ST6GALNAC1: variants seen among roughly 807,000 people sequenced by gnomAD.
ST6GALNAC1 encodes ST6 N-acetylgalactosaminide alpha-2,6-sialyltransferase 1.
ST6GALNAC1 carries 45 observed loss-of-function variants against 56.8 expected under a neutral mutation model. The ratio of observed to expected loss-of-function variants is 0.79; its 90% CI spans 0.62 to 1.02. ST6GALNAC1 has a LOEUF of 1.02. ST6GALNAC1 is among the 50% of genes least tolerant of loss of function. ST6GALNAC1 has a pLI of 0.00. For synonymous variants in ST6GALNAC1, 295 were observed against 297.8 expected (o/e 0.99, Z 0.10); for missense variants, 743 against 754.8 (o/e 0.98, Z 0.18).
intron 1 of ST6GALNAC1, among the ~76,000 whole-genome samples, chr17:76,636,526 CAG>C (rs1567960605): frequency 6.6e-6 from 1 of 152,152 alleles, no homozygotes; most frequent in Non-Finnish European, 1.5e-5. Flanking sequence ...GGACCACAGA[CAG>C]TGTCAGAAAA....
chr17:76,631,530 G>T (rs8067448), intron 1 of ST6GALNAC1, among the ~76,000 whole-genome samples: 2 of 151,950 alleles, frequency 1.3e-5, no homozygotes, highest in Non-Finnish European at 2.9e-5. Context: ...GAGCCTCTGG[G>T]GGGGCTTGGA....
intron 1 of ST6GALNAC1, among the ~76,000 whole-genome samples, chr17:76,638,937 A>T (rs1181411042): frequency 6.6e-6 from 1 of 152,154 alleles, no homozygotes. Context: ...TTTGTTGCCA[A>T]GTCCAGCTGA....
intron 1 of ST6GALNAC1, among the ~76,000 whole-genome samples, chr17:76,633,108 C>T (rs978662531): frequency 1.3e-5 from 2 of 152,158 alleles, no homozygotes; most frequent in African/African-American, 2.4e-5. Flanking sequence ...ATTCCGGAGG[C>T]TGAGGCACGA....
rs2075782567 is a variant in ST6GALNAC1 at position 76,625,430 on chromosome 17, T to C, written c.1703A>G (p.Asp568Gly). The C allele has an allele frequency of 1.2e-6, 2 of 1,614,170 alleles. No homozygotes were observed. The highest frequency in any genetic ancestry group is 1.7e-6 in the Non-Finnish European group (2 of 1,180,024). The change falls in exon 9 of 9, where the codon GAC (aspartate) becomes GGC (glycine). Residue 568 changes from aspartate to glycine, a missense_variant. Transcript: ENST00000156626. ...WKRLIFYINH[D>G]FKLEREVWKR... ...CCAGACTTCTCTCTCCAGCTTGAAG[T>C]CATGGTTTATGTAAAAGATCAGCCG...
intron 5 of ST6GALNAC1, 46 bp downstream of exon 5, chr17:76,626,605 C>T: frequency 6.2e-7 from 1 of 1,612,810 alleles, no homozygotes. Context: ...CCTGTGCTCC[C>T]TCATCCAGAG....
intron 1 of ST6GALNAC1, among the ~76,000 whole-genome samples, chr17:76,640,855 A>G (rs1378726433): frequency 1.3e-5 from 2 of 152,242 alleles, no homozygotes; most frequent in Non-Finnish European, 2.9e-5. Context: ...ATCAGGCTGA[A>G]GAAGATATTT....
intron 2 of ST6GALNAC1, 89 bp downstream of exon 2, chr17:76,628,923 A>G (rs2075850003): frequency 3.3e-6 from 4 of 1,196,044 alleles, no homozygotes; most frequent in Admixed American, 4.6e-5. Flanking sequence ...AGCAGAGCCC[A>G]GGAGGTGAGG....
At chr17:76,630,113 T>C (rs2075870571) in intron 1 of ST6GALNAC1, among the ~76,000 whole-genome samples, 2 of 152,068 alleles carry the variant, frequency 1.3e-5, no homozygotes, top group South Asian at 2.1e-4. Flanking sequence ...AAAAGCGGAA[T>C]AGAATTTGAG....
intron 1 of ST6GALNAC1, 67 bp from the exon 2 acceptor site, chr17:76,629,778 T>TTTTTG: frequency 1.7e-6 from 2 of 1,198,190 alleles, no homozygotes; most frequent in Non-Finnish European, 2.3e-6. Flanking sequence ...CATAAGTAGT[T>TTTTTG]TTTTGTTTTT....
In ST6GALNAC1 at chr17:76,627,203, G is replaced by T. The variant is rs370530127; in HGVS notation, c.1036C>A (p.Pro346Thr). The T allele has an allele frequency of 6.3e-7, 1 of 1,590,978 alleles. No homozygotes were observed. Among genetic ancestry groups the T allele is most frequent in the Non-Finnish European group, 8.6e-7 (1 of 1,168,474 alleles). Residue 346 changes from proline to threonine, a missense_variant, in exon 4 of 9, where the codon CCC becomes ACC. By Grantham distance (38) the Pro-to-Thr change is conservative. Transcript: ENST00000156626. The surrounding 1 kb of genome is among the most constrained non-coding windows in gnomAD (Gnocchi z 4.4). ...CTGGCCAGGAGCAGCTGCTGCTGGG[G>T]CACTGGAGGGAAGCGTGTCACGACC... ...QKVVTRFPPVPQQQLLLASLP... is the reference protein window; with the variant it reads ...QKVVTRFPPVTQQQLLLASLP...
At chr17:76,639,448 C>T (rs1462389330) in intron 1 of ST6GALNAC1, among the ~76,000 whole-genome samples, 2 of 151,960 alleles carry the variant, frequency 1.3e-5, no homozygotes, top group South Asian at 2.1e-4. Flanking sequence ...TGGTGGCGTG[C>T]GTCTGTAGTC....
chr17:76,632,313 C>T (rs767643825), intron 1 of ST6GALNAC1, among the ~76,000 whole-genome samples: 7 of 151,902 alleles, frequency 4.6e-5, no homozygotes, highest in East Asian at 1.9e-4. Context: ...TTAACTTGGC[C>T]GTGGCGGGGA....
chr17:76,631,118 T>C (rs916277125), intron 1 of ST6GALNAC1, among the ~76,000 whole-genome samples: 1 of 150,358 alleles, frequency 6.7e-6, no homozygotes, highest in South Asian at 2.1e-4. Context: ...CGAGCACTTG[T>C]GTGTGTTTAG....
At chr17:76,637,751 G>C (rs1050588094) in intron 1 of ST6GALNAC1, 17 of 398,840 alleles carry the variant, frequency 4.3e-5, no homozygotes, top group Middle Eastern at 6.2e-4. Context: ...AGAGGGGCAA[G>C]AAGAGCTGAG....
rs1455093208 is a variant in ST6GALNAC1, at chr17:76,629,556, G to T, written c.287C>A (p.Thr96Asn). Reference sequence around the variant, plus strand: ...GGCCTCCTTTCCTCTGTCTCCGGTGGTGTGGGCCTTGGGCTGGGTTTGTGT... The same window carrying T: ...GGCCTCCTTTCCTCTGTCTCCGGTGTTGTGGGCCTTGGGCTGGGTTTGTGT... ...LNTQTQPKAHTTGDRGKEANQ... is the reference protein window; with the variant it reads ...LNTQTQPKAHNTGDRGKEANQ... Residue 96 changes from threonine to asparagine, a missense_variant, in exon 2 of 9, where the codon ACC becomes AAC. Thr to Asn is a moderately conservative substitution (Grantham distance 65). Coordinates refer to ENST00000156626, the MANE Select transcript of ST6GALNAC1 (RefSeq NM_018414.5). The T allele has an allele frequency of 5.0e-6, 8 of 1,614,054 alleles. No homozygotes were observed. The highest frequency in any genetic ancestry group is 1.1e-5 in the South Asian group (1 of 91,052).
At chr17:76,628,403 G>C (rs2075843111) in intron 2 of ST6GALNAC1, among the ~76,000 whole-genome samples, 1 of 151,962 alleles carries the variant, frequency 6.6e-6, no homozygotes, top group Non-Finnish European at 1.5e-5. Context: ...TCAGCCTCCT[G>C]AGTAGCTGGG....
In ST6GALNAC1 at chr17:76,627,668, GC is replaced by G. The variant is rs2075824661; in HGVS notation, c.832-86del. On this transcript the variant is annotated intron_variant, in intron 2 of 8. Coordinates refer to ENST00000156626, the MANE Select transcript of ST6GALNAC1 (RefSeq NM_018414.5). This position sits in a 1 kb window ranked among gnomAD's most constrained non-coding sequence, Gnocchi z 4.4. ...CTGCACCACTGCAGCAAGGGCTGGG[GC>G]TCGCAGTTTGGAAGGCGCGGCCTCT... 7.3e-7 allele frequency: 1 copy of G among 1,373,306 alleles called. No individual in the cohort carries two copies. Among genetic ancestry groups the G allele is most frequent in the East Asian group, 2.3e-5 (1 of 43,592 alleles). 85.1% of individuals were successfully genotyped at this position (1,373,306 alleles called of 1,614,324 possible).
intron 1 of ST6GALNAC1, among the ~76,000 whole-genome samples, chr17:76,632,279 G>A (rs2075914356): frequency 6.6e-6 from 1 of 152,142 alleles, no homozygotes; most frequent in South Asian, 2.1e-4. Context: ...TTTCATGGAT[G>A]TAGCTGCCTG....
At chr17:76,641,673 C>T (rs1179943620) in intron 1 of ST6GALNAC1, 1 of 152,134 alleles carries the variant, frequency 6.6e-6, no homozygotes, top group Non-Finnish European at 1.5e-5. Context: ...TCAATGGTGT[C>T]CACTGACATT....
Sources: allele counts gnomAD v4.1 joint callset (sites outside exome capture counted in the v4.1 genomes callset), GRCh38; gene constraint gnomAD v4.1.1; non-coding constraint Gnocchi (gnomAD v3.1); transcripts MANE v1.5; gene names NCBI Gene and HGNC (gene_info 2026-07-23, HGNC 2026-07-21).